DYNC1I2: variants seen among roughly 807,000 people sequenced by gnomAD.
DYNC1I2 encodes the protein dynein cytoplasmic 1 intermediate chain 2.
DYNC1I2 carries 53 observed loss-of-function variants against 88.6 expected under a neutral mutation model. The observed-to-expected ratio is 0.60, with a 90% confidence interval of 0.48 to 0.75. The LOEUF is 0.75. DYNC1I2 is among the 30% of genes least tolerant of loss of function. The probability of loss-of-function intolerance (pLI) is 0.00; values close to 1 mark genes in which losing one functional copy is unlikely to be tolerated. For synonymous variants in DYNC1I2, 198 were observed against 254.6 expected, an observed-to-expected ratio of 0.78 and a Z score of 2.12; for missense variants, 458 against 766.6, an observed-to-expected ratio of 0.60 and a Z score of 4.75.
Position 171,726,305 on chromosome 2 carries a change from CA to C in DYNC1I2, c.870+16del. The stretch of plus-strand genomic sequence containing the variant: ...ATTGGTCATCTCAGGTAAAATATAA[CA>C]AAATAGGCCGCTCTTAACTCATTTT... On this transcript the variant is annotated intron_variant, in intron 10 of 17. Coordinates refer to ENST00000397119, the MANE Select transcript of DYNC1I2 (RefSeq NM_001378.3). The C allele has an allele frequency of 3.2e-6, 5 of 1,563,954 alleles. No individual in the cohort carries two copies. The highest frequency in any genetic ancestry group is 4.4e-6 in the Non-Finnish European group (5 of 1,145,376).
chr2:171,742,609 T>C (rs1689521835), intron 15 of DYNC1I2, among the ~76,000 whole-genome samples: 1 of 152,226 alleles, frequency 6.6e-6, no homozygotes, highest in African/African-American at 2.4e-5. Flanking sequence ...TTTGCTATTG[T>C]CTACTAGTGA....
intron 15 of DYNC1I2, among the ~76,000 whole-genome samples, chr2:171,738,483 A>G (rs1322113720): frequency 6.6e-6 from 1 of 152,222 alleles, no homozygotes; most frequent in African/African-American, 2.4e-5. Context: ...AATATACCAT[A>G]ATTTATCCAT....
intron 3 of DYNC1I2, among the ~76,000 whole-genome samples, chr2:171,697,115 C>T (rs546607582): frequency 2.0e-4 from 30 of 152,240 alleles, no homozygotes; most frequent in African/African-American, 7.0e-4. Context: ...ATCCTCTCAC[C>T]TCAGCCTCCC....
rs1368467750 is a variant in DYNC1I2 at position 171,707,360 on chromosome 2, T to C, written c.318T>C (p.Asp106=). The part of the protein sequence containing the change: ...PSEAGSQDSG[D]GAVGSRTLHW... ...AAGCTGGAAGCCAAGACTCTGGAGA[T>C]GGCGCCGTGGGATCTAGGTACAGTA... The change falls in exon 5 of 18, where the codon GAT becomes GAC. Residue 106 remains aspartate (D), a synonymous_variant. Transcript: ENST00000397119. 1 of 1,613,292 alleles carries C rather than the reference T, an allele frequency of 6.2e-7. No individual in the cohort carries two copies. The highest frequency in any genetic ancestry group is 8.5e-7 in the Non-Finnish European group (1 of 1,179,664).
At chr2:171,731,165 C>T (rs990751971) in intron 15 of DYNC1I2, among the ~76,000 whole-genome samples, 2 of 152,182 alleles carry the variant, frequency 1.3e-5, no homozygotes, top group African/African-American at 2.4e-5. Context: ...TAAGTCATCT[C>T]TTTCCTTTCT....
chr2:171,738,804 A>G (rs911934852), intron 15 of DYNC1I2, among the ~76,000 whole-genome samples: 4 of 152,202 alleles, frequency 2.6e-5, no homozygotes, highest in Non-Finnish European at 5.9e-5. Context: ...TGAGCCCTGC[A>G]TTTGTATTTT....
At chr2:171,734,427 C>T (rs547788338) in intron 15 of DYNC1I2, among the ~76,000 whole-genome samples, 1 of 152,218 alleles carries the variant, frequency 6.6e-6, no homozygotes, top group African/African-American at 2.4e-5. Context: ...ATAGAAGTGC[C>T]TTCTGAATAA....
At chr2:171,746,055 C>T in intron 17 of DYNC1I2, 128 bp downstream of exon 17, 1 of 915,712 alleles carries the variant, frequency 1.1e-6, no homozygotes, top group Non-Finnish European at 1.6e-6. Context: ...AAAGATAAAA[C>T]TTACTTTCTA....
intron 14 of DYNC1I2, 81 bp downstream of exon 14, chr2:171,728,931 A>C: frequency 7.0e-7 from 1 of 1,421,378 alleles, no homozygotes; most frequent in Non-Finnish European, 9.5e-7. Context: ...TTAAGTAGAA[A>C]TCTGTCGTAG....
intron 15 of DYNC1I2, among the ~76,000 whole-genome samples, chr2:171,734,577 T>G (rs978478235): frequency 1.3e-5 from 2 of 152,198 alleles, no homozygotes; most frequent in African/African-American, 4.8e-5. Flanking sequence ...CCTCCAGTGT[T>G]ACTGTACAAA....
chr2:171,692,691 C>A, intron 2 of DYNC1I2, 86 bp from the exon 3 acceptor site: 1 of 812,142 alleles, frequency 1.2e-6, no homozygotes, highest in Non-Finnish European at 1.9e-6. Context: ...TAAAAGTATA[C>A]AGTGTTAGCA....
In DYNC1I2 at chr2:171,726,922, G is replaced by A; in HGVS notation, c.996+6G>A. ...AGTATGTGTTTCACTGCCAGGTATGGTGGTCTTTTAACAGTCTTCGCCTCA... is the reference window on the plus strand; with the variant it reads ...AGTATGTGTTTCACTGCCAGGTATGATGGTCTTTTAACAGTCTTCGCCTCA... On this transcript the variant is annotated splice_donor_region_variant and intron_variant, in intron 11 of 17. Transcript: ENST00000397119. 6.2e-7 allele frequency: 1 copy of A among 1,602,390 alleles called. No individual in the cohort carries two copies. Among genetic ancestry groups the A allele is most frequent in the Non-Finnish European group, 8.5e-7 (1 of 1,175,242 alleles).
intron 10 of DYNC1I2, 193 bp from the exon 11 acceptor site, chr2:171,726,598 T>A: frequency 1.6e-6 from 1 of 621,118 alleles, no homozygotes; most frequent in Non-Finnish European, 2.5e-6. Context: ...ATTAAAACAT[T>A]TAAAATAATT....
At chr2:171,738,468 A>T (rs1689167484) in intron 15 of DYNC1I2, among the ~76,000 whole-genome samples, 1 of 152,248 alleles carries the variant, frequency 6.6e-6, no homozygotes, top group African/African-American at 2.4e-5. Context: ...CTATTCCATT[A>T]TGTAAATATA....
At position 171,748,473 on chromosome 2, in the gene DYNC1I2, T is replaced by C. The variant is rs1213279453; in HGVS notation, c.*584T>C. Reference sequence around the variant, plus strand: ...ATTTTTCCATCTTTTATAAAATATATTTTTTCCATATCTTTCTTTAAGCTC... The same window carrying C: ...ATTTTTCCATCTTTTATAAAATATACTTTTTCCATATCTTTCTTTAAGCTC... On this transcript the variant is annotated 3_prime_UTR_variant, in exon 18 of 18. Transcript: ENST00000397119. 3.3e-5 allele frequency: 5 copies of C among 152,202 alleles called. No homozygotes were observed. Among genetic ancestry groups the C allele is most frequent in the Admixed American group, 3.3e-4 (5 of 15,274 alleles). 9.4% of individuals were successfully genotyped at this position (152,202 alleles called of 1,614,324 possible).
At chr2:171,706,229 A>C (rs546563644) in intron 3 of DYNC1I2, among the ~76,000 whole-genome samples, 1 of 152,284 alleles carries the variant, frequency 6.6e-6, no homozygotes, top group South Asian at 2.1e-4. Flanking sequence ...GCTCAACATA[A>C]ACTGTATTAG....
chr2:171,687,793 G>GTTGGGGTCT (rs1685074781), intron 1 of DYNC1I2, 166 bp downstream of exon 1: 2 of 153,072 alleles, frequency 1.3e-5, no homozygotes, highest in African/African-American at 4.8e-5. Context: ...GGTGGCTACA[G>GTTGGGGTCT]TTGGTGTTGG....
Position 171,690,280 on chromosome 2 carries a change from TG to T in DYNC1I2, c.108+18del. On this transcript the variant is annotated intron_variant, in intron 2 of 17. Transcript: ENST00000397119. The stretch of plus-strand genomic sequence containing the variant: ...AAAAAAGAAGTATGTTTGATTTTTT[TG>T]CTTAAATAAACAACATAAAGTAATT... The T allele has an allele frequency of 2.0e-6, 3 of 1,520,790 alleles. No homozygotes were observed. Among genetic ancestry groups the T allele is most frequent in the Non-Finnish European group, 2.7e-6 (3 of 1,125,998 alleles). The allele number at this position is 1,520,790 out of a possible 1,614,324, so 94.2% of individuals were successfully genotyped here.
At chr2:171,698,825 C>T (rs765192823) in intron 3 of DYNC1I2, among the ~76,000 whole-genome samples, 38 of 151,962 alleles carry the variant, frequency 2.5e-4, no homozygotes, top group Admixed American at 5.2e-4. Flanking sequence ...GCCGAGATGG[C>T]GCCACTGCAC....
Sources: gnomAD v4.1 joint callset for allele counts (sites outside exome capture counted in the v4.1 genomes callset) on GRCh38, gnomAD v4.1.1 for gene constraint, MANE v1.5 for transcripts, NCBI Gene and HGNC (gene_info 2026-07-23, HGNC 2026-07-21) for gene names.